PCDHGB4: variants seen among roughly 807,000 people sequenced by gnomAD.
The protein encoded by PCDHGB4 is protocadherin gamma-B4.
Under a neutral mutation model 60.5 loss-of-function variants are expected in PCDHGB4, and 38 were observed. That is an observed-to-expected ratio of 0.63 (90% CI 0.48 to 0.82). The LOEUF is 0.82. PCDHGB4 is among the 40% of genes least tolerant of loss of function. The probability of loss-of-function intolerance (pLI) is 0.00; values close to 1 mark genes in which losing one functional copy is unlikely to be tolerated. For missense variants in PCDHGB4, 1,109 were observed against 1,209.6 expected (o/e 0.92, Z 1.23); for synonymous variants, 456 against 509.7 (o/e 0.89, Z 1.42).
At chr5:141,433,869 T>C (rs1293077938) in intron 1 of PCDHGB4, among the ~76,000 whole-genome samples, 8 of 151,960 alleles carry the variant, frequency 5.3e-5, no homozygotes, top group Non-Finnish European at 7.4e-5. Flanking sequence ...TATCCTCTAG[T>C]TTCATCCATT....
At chr5:141,495,213 C>T (rs568314100) in intron 2 of PCDHGB4, among the ~76,000 whole-genome samples, 1 of 152,326 alleles carries the variant, frequency 6.6e-6, no homozygotes, top group South Asian at 2.1e-4. Flanking sequence ...AACCCCCTCC[C>T]CTGAGTTGAG....
chr5:141,433,168 T>A, intron 1 of PCDHGB4: 6 of 1,613,438 alleles, frequency 3.7e-6, no homozygotes, highest in Non-Finnish European at 3.4e-6. Context: ...CTAAAGACAG[T>A]CATGGGTTAA....
chr5:141,401,841 CACTT>C (rs1043132396), intron 1 of PCDHGB4, among the ~76,000 whole-genome samples: 6 of 152,114 alleles, frequency 3.9e-5, no homozygotes, highest in Non-Finnish European at 8.8e-5. Flanking sequence ...CTTATAATAC[CACTT>C]ACTTTTAACC....
In PCDHGB4 at chr5:141,389,352, A is replaced by G. The variant is rs758141313; in HGVS notation, c.1468A>G (p.Met490Val). The G allele has an allele frequency of 7.4e-6, 12 of 1,613,628 alleles. No individual in the cohort carries two copies. The highest frequency in any genetic ancestry group is 1.7e-5 in the Admixed American group (1 of 60,012). The change falls in exon 1 of 4, where the codon ATG becomes GTG. Residue 490 changes from methionine (M) to valine (V), a missense_variant. Around this residue, in one of 2 missense-constraint regions of PCDHGB4, gnomAD observed 1,068 missense variants for 1,089.9 expected, o/e 0.98. Coordinates refer to ENST00000519479, the MANE Select transcript of PCDHGB4 (RefSeq NM_003736.4). Reference protein sequence around the residue: ...GPNGQVSYCIMASDLEQRELS... With the variant: ...GPNGQVSYCIVASDLEQRELS... ...CAACGGCCAAGTCTCTTACTGCATCATGGCCAGTGACCTGGAGCAGCGGGA... is the reference window on the plus strand; with the variant it reads ...CAACGGCCAAGTCTCTTACTGCATCGTGGCCAGTGACCTGGAGCAGCGGGA...
intron 1 of PCDHGB4, chr5:141,414,797 G>A: frequency 6.2e-7 from 1 of 1,614,230 alleles, no homozygotes. Context: ...GCCAGCGACA[G>A]CGGGGATCCT....
intron 1 of PCDHGB4, chr5:141,413,959 G>A: frequency 1.9e-6 from 3 of 1,613,372 alleles, no homozygotes; most frequent in Middle Eastern, 3.3e-4. Context: ...TTTGCCTGTG[G>A]GCACTCAGCT....
chr5:141,478,073 G>A (rs756198123), intron 1 of PCDHGB4: 1 of 1,614,098 alleles, frequency 6.2e-7, no homozygotes, highest in Admixed American at 1.7e-5. Context: ...AGACAATGGG[G>A]AGCCTTCGCT....
At position 141,430,859 on chromosome 5, in the gene PCDHGB4, T is replaced by G. The variant is rs770543752; in HGVS notation, c.2397+40578T>G. The stretch of plus-strand genomic sequence containing the variant: ...GACCGGATGCACCCAGATACGCTAT[T>G]CAGTTCCGGAAGAGCTGGAGAAAGG... On this transcript the variant is annotated intron_variant, in intron 1 of 3. Transcript: ENST00000519479. 5.0e-6 allele frequency: 8 copies of G among 1,592,398 alleles called. No homozygotes were observed. The East Asian group carries it at 1.6e-4, about 31-fold the overall frequency.
chr5:141,474,557 G>A (rs1261720500), intron 1 of PCDHGB4, among the ~76,000 whole-genome samples: 1 of 152,184 alleles, frequency 6.6e-6, no homozygotes, highest in African/African-American at 2.4e-5. Context: ...AAAACTGGGG[G>A]TTTTCAGAGA....
At chr5:141,453,178 A>G (rs939398654) in intron 1 of PCDHGB4, among the ~76,000 whole-genome samples, 1 of 152,128 alleles carries the variant, frequency 6.6e-6, no homozygotes, top group African/African-American at 2.4e-5. Flanking sequence ...CAGTGGTACA[A>G]TCACAGCTCA....
intron 1 of PCDHGB4, chr5:141,400,271 C>G: frequency 1.2e-6 from 2 of 1,614,094 alleles, no homozygotes; most frequent in Non-Finnish European, 1.7e-6. Flanking sequence ...CGACGCTCCT[C>G]CAGCCCTGCC....
At chr5:141,409,352 T>G in intron 1 of PCDHGB4, 1 of 1,613,980 alleles carries the variant, frequency 6.2e-7, no homozygotes, top group Non-Finnish European at 8.5e-7. Flanking sequence ...AGAAGTCAGG[T>G]GTAATATAGA....
intron 1 of PCDHGB4, chr5:141,399,117 A>C (rs370431268): frequency 6.2e-6 from 10 of 1,613,848 alleles, no homozygotes; most frequent in Non-Finnish European, 8.5e-6. Flanking sequence ...GTACAGTTGA[A>C]ATTAATATTC....
At chr5:141,427,857 G>T (rs746661329) in intron 1 of PCDHGB4, 2 of 1,554,576 alleles carry the variant, frequency 1.3e-6, no homozygotes, top group Admixed American at 3.3e-5. Flanking sequence ...GCAGCTGTGC[G>T]CCTTCGAGCT....
chr5:141,431,376 CT>C lies in PCDHGB4; in HGVS notation c.2397+41096del. The C allele has an allele frequency of 1.2e-6, 2 of 1,613,436 alleles. No individual in the cohort carries two copies. The highest frequency in any genetic ancestry group is 1.7e-6 in the Non-Finnish European group (2 of 1,179,562). On this transcript the variant is annotated intron_variant, in intron 1 of 3. Transcript: ENST00000519479. This position sits in a 1 kb window ranked among gnomAD's most constrained non-coding sequence, Gnocchi z 4.8. ...CGCGCCCTGGACCGCGAAGAAAAGG[CT>C]GCTCACCACCTGGTCCTTACGGCCT...
chr5:141,490,338 C>A lies in PCDHGB4; in HGVS notation c.2398-4469C>A, dbSNP rs1408559629. Reference sequence around the variant, plus strand: ...CTGTCCTAGAGAGCACACCAGTGGGCACAGTAGTGGGGTTGTTTAATGTGC... The same window carrying A: ...CTGTCCTAGAGAGCACACCAGTGGGAACAGTAGTGGGGTTGTTTAATGTGC... On this transcript the variant is annotated intron_variant, in intron 1 of 3. Coordinates refer to ENST00000519479, the MANE Select transcript of PCDHGB4 (RefSeq NM_003736.4). This position sits in a 1 kb window ranked among gnomAD's most constrained non-coding sequence, Gnocchi z 5.4. 6.2e-7 allele frequency: 1 copy of A among 1,614,184 alleles called. No homozygotes were observed. The highest frequency in any genetic ancestry group is 1.7e-5 in the Admixed American group (1 of 60,032).
intron 3 of PCDHGB4, 85 bp from the exon 4 acceptor site, chr5:141,510,862 C>A: frequency 6.2e-7 from 1 of 1,606,772 alleles, no homozygotes. Context: ...GCTGTATAGG[C>A]ATTCATTAAC....
chr5:141,390,537 A>G (rs565157857), intron 1 of PCDHGB4: 629 of 520,554 alleles, frequency 1.2e-3, no homozygotes, highest in Non-Finnish European at 1.9e-3. Context: ...GGTTTTAACC[A>G]CAAAGTGAAA....
At chr5:141,451,288 C>G (rs1308574266) in intron 1 of PCDHGB4, among the ~76,000 whole-genome samples, 3 of 152,200 alleles carry the variant, frequency 2.0e-5, no homozygotes, top group Non-Finnish European at 4.4e-5. Context: ...GCCTCTGCCT[C>G]AAAGTCTTAC....
Sources: gnomAD v4.1 joint callset for allele counts (sites outside exome capture counted in the v4.1 genomes callset) on GRCh38, gnomAD v4.1.1 for gene constraint, gnomAD v4.1.1 regional missense constraint, Gnocchi (gnomAD v3.1) non-coding constraint, MANE v1.5 for transcripts, NCBI Gene and HGNC (gene_info 2026-07-23, HGNC 2026-07-21) for gene names.